The following CDC42BPB variants were observed in gnomAD, a reference collection of about 807,000 sequenced individuals.
CDC42BPB encodes CDC42 binding protein kinase beta.
A neutral mutation model predicts 214.9 loss-of-function variants in CDC42BPB; 37 were observed. The observed-to-expected ratio is 0.17, with a 90% CI of 0.13 to 0.23. The LOEUF is 0.23. CDC42BPB is among the 10% of genes least tolerant of loss of function. The pLI is 1.00. For synonymous variants in CDC42BPB, 931 were observed against 884.0 expected (o/e 1.05, Z -0.94); for missense variants, 1,694 against 2,227.0 (o/e 0.76, Z 4.82).
intron 1 of CDC42BPB, among the ~76,000 whole-genome samples, chr14:103,032,496 C>G (rs936807165): frequency 9.3e-6 from 1 of 107,830 alleles, no homozygotes; most frequent in Non-Finnish European, 1.8e-5. Flanking sequence ...AACTTTTGAA[C>G]AGGACAGGAC....
chr14:103,037,066 G>A (rs34013257), intron 1 of CDC42BPB, among the ~76,000 whole-genome samples: 3 of 151,844 alleles, frequency 2.0e-5, no homozygotes, highest in Non-Finnish European at 4.4e-5. Flanking sequence ...TCTTATAGGC[G>A]TGAGCCACCA....
chr14:103,006,764 C>T (rs1161538047), intron 3 of CDC42BPB, among the ~76,000 whole-genome samples: 1 of 152,134 alleles, frequency 6.6e-6, no homozygotes, highest in African/African-American at 2.4e-5. Context: ...CTAGTATAAT[C>T]ACCGCGACTG....
intron 13 of CDC42BPB, 66 bp downstream of exon 13, chr14:102,971,853 A>G: frequency 6.6e-7 from 1 of 1,525,686 alleles, no homozygotes; most frequent in Non-Finnish European, 8.9e-7. Context: ...CAAGATTTCA[A>G]AGACGTTTTA....
intron 1 of CDC42BPB, among the ~76,000 whole-genome samples, chr14:103,029,357 C>T (rs376345596): frequency 7.4e-4 from 112 of 150,808 alleles, no homozygotes; most frequent in African/African-American, 2.2e-3. Context: ...CTGGCTAACA[C>T]GGTGAAACCC....
intron 1 of CDC42BPB, among the ~76,000 whole-genome samples, chr14:103,024,277 T>C (rs1167355071): frequency 6.6e-6 from 1 of 152,218 alleles, no homozygotes; most frequent in Non-Finnish European, 1.5e-5. Context: ...TCTAGAGTTC[T>C]GTAACAGAGT....
chr14:103,004,109 C>G lies in CDC42BPB; in HGVS notation c.352-86G>C, dbSNP rs1411306602. The G allele has an allele frequency of 9.7e-6, 14 of 1,442,988 alleles. No individual in the cohort carries two copies. Among genetic ancestry groups the G allele is most frequent in the Non-Finnish European group, 1.3e-5 (14 of 1,092,256 alleles). The allele number at this position is 1,442,988 out of a possible 1,614,324, so 89.4% of individuals were successfully genotyped here. The stretch of plus-strand genomic sequence containing the variant: ...GCCGGTCTCGGGGTCCCTCCTGGGA[C>G]AGTGGCTCCAGCCACGGTGTCCCTG... On this transcript the variant is annotated intron_variant, in intron 3 of 36. Transcript: ENST00000361246. This position sits in a 1 kb window ranked among gnomAD's most constrained non-coding sequence, Gnocchi z 5.3.
intron 1 of CDC42BPB, among the ~76,000 whole-genome samples, chr14:103,020,568 G>A (rs1886715954): frequency 6.6e-6 from 1 of 152,208 alleles, no homozygotes; most frequent in Non-Finnish European, 1.5e-5. Flanking sequence ...ACACTGACGC[G>A]CTATGCATCC....
chr14:102,971,603 TTCTA>T (rs1182000413), intron 13 of CDC42BPB, among the ~76,000 whole-genome samples: 1 of 152,230 alleles, frequency 6.6e-6, no homozygotes, highest in African/African-American at 2.4e-5. Flanking sequence ...TGATTTGCCT[TTCTA>T]CTGCCACCTG....
rs1595472621 is a variant in CDC42BPB, at chr14:102,964,529, A to C, written c.2699T>G (p.Val900Gly). 6.2e-7 allele frequency: 1 copy of C among 1,613,682 alleles called. No individual in the cohort carries two copies. ...TTCCAAGGTGAGGTTGGCGTCCTTG[A>C]CCTTCCTGAGCTCCTCCTGGACAAG... Reference protein sequence around the residue: ...KQLVQEELRKVKDANLTLESK... With the variant: ...KQLVQEELRKGKDANLTLESK... The change falls in exon 19 of 37, where the codon GTC (valine) becomes GGC (glycine). Residue 900 changes from valine to glycine, a missense_variant. By Grantham distance (109) the Val-to-Gly change is moderately radical. Coordinates refer to ENST00000361246, the MANE Select transcript of CDC42BPB (RefSeq NM_006035.4).
intron 5 of CDC42BPB, among the ~76,000 whole-genome samples, chr14:102,995,653 G>A (rs1894693931): frequency 6.6e-6 from 1 of 152,248 alleles, no homozygotes; most frequent in South Asian, 2.1e-4. Context: ...CCAGGCAGCA[G>A]CTGTGAAACC....
intron 19 of CDC42BPB, among the ~76,000 whole-genome samples, chr14:102,963,495 T>C (rs1219063598): frequency 6.6e-6 from 1 of 152,172 alleles, no homozygotes; most frequent in African/African-American, 2.4e-5. Context: ...CCCATCAATA[T>C]CTTTCCCATA....
rs770888734 is a variant in CDC42BPB at position 102,947,708 on chromosome 14, G to A, written c.3531+13C>T. The A allele has an allele frequency of 1.6e-5, 26 of 1,600,688 alleles. No individual in the cohort carries two copies. The South Asian group carries it at 1.8e-4, about 11-fold the overall frequency. On this transcript the variant is annotated intron_variant, in intron 27 of 36. Transcript: ENST00000361246. ...CATGTGCTTTGTTAAAAAGATTAAT[G>A]AAAAATTCATACCCTGAATATACAT... is the stretch of plus-strand genomic sequence containing the variant.
intron 1 of CDC42BPB, among the ~76,000 whole-genome samples, chr14:103,031,365 G>T (rs913879128): frequency 6.6e-6 from 1 of 152,260 alleles, no homozygotes; most frequent in Non-Finnish European, 1.5e-5. Flanking sequence ...CTAGAGATGA[G>T]ACACTAAAAT....
At chr14:102,953,728 C>G (rs562901296) in intron 23 of CDC42BPB, among the ~76,000 whole-genome samples, 1 of 152,252 alleles carries the variant, frequency 6.6e-6, no homozygotes, top group Non-Finnish European at 1.5e-5. Flanking sequence ...GCTGTGCTGG[C>G]TCTCCAGGAT....
At chr14:102,938,678 G>T in intron 34 of CDC42BPB, 1 of 490,240 alleles carries the variant, frequency 2.0e-6, no homozygotes, top group Non-Finnish European at 2.7e-6. Context: ...CCCCAGGCTG[G>T]AGTGCAATGA....
rs1375797066 is a variant in CDC42BPB, at chr14:102,944,677, G to GAGA, written c.3812-193_3812-191dup. On this transcript the variant is annotated intron_variant, in intron 29 of 36. Transcript: ENST00000361246. This position sits in a 1 kb window ranked among gnomAD's most constrained non-coding sequence, Gnocchi z 6.6. ...GAGCCAGTGGCTTGAACGCCCCCCG[G>GAGA]AGAAGCTGCCCCACATCCACAGCGC... The GAGA allele has an allele frequency of 2.4e-5, 24 of 985,176 alleles. No homozygotes were observed. The highest frequency in any genetic ancestry group is 2.9e-5 in the Non-Finnish European group (24 of 829,882). The allele number at this position is 985,176 out of a possible 1,614,324, so 61.0% of individuals were successfully genotyped here. A position where few individuals can be genotyped will look rare whatever the true frequency, so the allele number is the denominator to read the frequency against.
At chr14:102,951,817 T>A (rs375281154) in intron 24 of CDC42BPB, among the ~76,000 whole-genome samples, 2 of 151,976 alleles carry the variant, frequency 1.3e-5, no homozygotes, top group East Asian at 3.9e-4. Context: ...AGAAAAAAAA[T>A]ACGAATGACG....
At chr14:103,018,017 G>C (rs1204765144) in intron 1 of CDC42BPB, among the ~76,000 whole-genome samples, 1 of 152,212 alleles carries the variant, frequency 6.6e-6, no homozygotes, top group Non-Finnish European at 1.5e-5. Flanking sequence ...CCGTAGGGGG[G>C]TGGAGGAGGT....
Position 102,972,951 on chromosome 14 carries a change from C to T in CDC42BPB, c.1642-790G>A, listed in dbSNP as rs34959456. Among the ~76,000 whole-genome samples, 364 of 152,270 alleles carry T rather than the reference C, an allele frequency of 2.4e-3. 3 individuals are homozygous for T. The highest frequency in any genetic ancestry group is 8.5e-3 in the African/African-American group (355 of 41,544). On this transcript the variant is annotated intron_variant, in intron 12 of 36. Coordinates refer to ENST00000361246, the MANE Select transcript of CDC42BPB (RefSeq NM_006035.4). ...CAGTGAAGAACTGTATAAAAACAAT[C>T]GCTGGACAGCCTGCCCTTCAATGCA...
Sources: allele counts gnomAD v4.1 joint callset (sites outside exome capture counted in the v4.1 genomes callset), GRCh38; gene constraint gnomAD v4.1.1; non-coding constraint Gnocchi (gnomAD v3.1); transcripts MANE v1.5; gene names NCBI Gene and HGNC (gene_info 2026-07-23, HGNC 2026-07-21).